The following SUGCT variants were observed in gnomAD, a reference collection of about 807,000 sequenced individuals.
SUGCT encodes the protein succinyl-CoA:glutarate CoA-transferase.
A neutral mutation model predicts 55.0 loss-of-function variants in SUGCT; 41 were observed. The ratio of observed to expected loss-of-function variants is 0.74; its 90% CI spans 0.58 to 0.97. The LOEUF (loss-of-function observed/expected upper bound fraction) is 0.97. Ranked by LOEUF, SUGCT falls within the 50% of genes least tolerant of loss-of-function variation. The pLI is 0.00. For synonymous variants in SUGCT, 187 were observed against 200.4 expected (o/e 0.93, Z 0.56); for missense variants, 568 against 547.8 (o/e 1.04, Z -0.37).
chr7:40,931,250 C>G, the SUGCT span, among the ~76,000 whole-genome samples: 1 of 152,188 alleles, frequency 6.6e-6, no homozygotes. Context: ...GTTGAACCAG[C>G]CTTGCATCCC....
At chr7:40,744,517 T>G (rs1787632694) in intron 12 of SUGCT, among the ~76,000 whole-genome samples, 1 of 152,218 alleles carries the variant, frequency 6.6e-6, no homozygotes, top group Non-Finnish European at 1.5e-5. Flanking sequence ...CTTTTCCATT[T>G]TTTTTTGTCT....
intron 9 of SUGCT, among the ~76,000 whole-genome samples, chr7:40,405,808 T>TAAAAAAAAA (rs60966218): frequency 1.1e-5 from 1 of 90,944 alleles, no homozygotes; most frequent in African/African-American, 3.9e-5. Context: ...AGACTCTGTC[T>TAAAAAAAAA]AAAAAAAAAA....
intron 11 of SUGCT, among the ~76,000 whole-genome samples, chr7:40,489,722 A>T (rs1007966499): frequency 6.6e-6 from 1 of 152,060 alleles, no homozygotes; most frequent in African/African-American, 2.4e-5. Context: ...AAACAACAGA[A>T]CAAAACAAAA....
intron 7 of SUGCT, among the ~76,000 whole-genome samples, chr7:40,253,309 C>A (rs995820867): frequency 6.6e-6 from 1 of 152,162 alleles, no homozygotes; most frequent in Non-Finnish European, 1.5e-5. Context: ...AAGGTGACAT[C>A]CCTTTTAGGT....
intron 11 of SUGCT, among the ~76,000 whole-genome samples, chr7:40,476,803 TC>T (rs1305907652): frequency 2.0e-5 from 3 of 148,842 alleles, no homozygotes; most frequent in African/African-American, 7.3e-5. Context: ...TAGTTCTCAT[TC>T]TTTTTTTTTT....
the SUGCT span, among the ~76,000 whole-genome samples, chr7:40,888,603 TA>T: frequency 6.6e-6 from 1 of 152,020 alleles, no homozygotes; most frequent in African/African-American, 2.4e-5. Context: ...TTCATAGGTT[TA>T]AAAAAAATAA....
the SUGCT span, among the ~76,000 whole-genome samples, chr7:40,943,850 A>G: frequency 6.6e-6 from 1 of 151,722 alleles, no homozygotes; most frequent in Non-Finnish European, 1.5e-5. Flanking sequence ...CTGAGGAATC[A>G]CCACACTGAC....
chr7:40,660,685 T>G (rs1382720467), intron 12 of SUGCT, among the ~76,000 whole-genome samples: 1 of 152,214 alleles, frequency 6.6e-6, no homozygotes, highest in Non-Finnish European at 1.5e-5. Context: ...ATACCTTAGA[T>G]GTAATCACTG....
chr7:40,445,075 A>C (rs914970112), intron 9 of SUGCT, among the ~76,000 whole-genome samples: 4 of 152,070 alleles, frequency 2.6e-5, no homozygotes, highest in East Asian at 1.9e-4. Context: ...GGATGAAGCC[A>C]ACTTGATCAT....
chr7:40,721,127 C>T (rs1480981821), intron 12 of SUGCT, among the ~76,000 whole-genome samples: 4 of 152,206 alleles, frequency 2.6e-5, no homozygotes, highest in Non-Finnish European at 2.9e-5. Flanking sequence ...GCTCTCTTCA[C>T]TTTGAGAATG....
intron 12 of SUGCT, among the ~76,000 whole-genome samples, chr7:40,712,859 G>T (rs1463633813): frequency 6.6e-6 from 1 of 152,214 alleles, no homozygotes; most frequent in African/African-American, 2.4e-5. Context: ...AGATTTTACT[G>T]CCTCTGGACC....
At chr7:40,218,143 G>A (rs1446545115) in intron 6 of SUGCT, among the ~76,000 whole-genome samples, 2 of 152,168 alleles carry the variant, frequency 1.3e-5, no homozygotes, top group East Asian at 1.9e-4. Context: ...AACCTGGGAG[G>A]CAGAGGCTGC....
intron 12 of SUGCT, among the ~76,000 whole-genome samples, chr7:40,704,387 G>A (rs745941746): frequency 4.0e-5 from 6 of 151,766 alleles, no homozygotes; most frequent in Non-Finnish European, 8.8e-5. Context: ...TTACAAGCAC[G>A]CCATTACCTA....
chr7:40,996,851 T>G, the SUGCT span, among the ~76,000 whole-genome samples: 1 of 152,206 alleles, frequency 6.6e-6, no homozygotes, highest in Non-Finnish European at 1.5e-5. Flanking sequence ...TTCTCTGTCA[T>G]TTCTCAATTT....
chr7:40,380,859 C>T (rs1411845539), intron 9 of SUGCT, among the ~76,000 whole-genome samples: 2 of 152,194 alleles, frequency 1.3e-5, no homozygotes, highest in Non-Finnish European at 2.9e-5. Context: ...TGCATAATTA[C>T]CTATTTCCTG....
intron 11 of SUGCT, among the ~76,000 whole-genome samples, chr7:40,485,474 G>A (rs976556587): frequency 1.5e-5 from 2 of 130,634 alleles, no homozygotes; most frequent in Non-Finnish European, 3.1e-5. Flanking sequence ...CACCCAGGCT[G>A]GAATGTAGTG....
At chr7:40,325,666 C>T (rs1238962596) in intron 9 of SUGCT, among the ~76,000 whole-genome samples, 2 of 151,940 alleles carry the variant, frequency 1.3e-5, no homozygotes, top group Non-Finnish European at 2.9e-5. Context: ...ATTAGCTGGG[C>T]GTGGTGGTGC....
chr7:40,777,968 A>G (rs1159286915), intron 13 of SUGCT, among the ~76,000 whole-genome samples: 2 of 152,066 alleles, frequency 1.3e-5, no homozygotes, highest in African/African-American at 4.8e-5. Flanking sequence ...CCTCCTCAGC[A>G]TATGCTTAGC....
chr7:40,399,601 G>A (rs1456370243), intron 9 of SUGCT, among the ~76,000 whole-genome samples: 2 of 152,120 alleles, frequency 1.3e-5, no homozygotes, highest in African/African-American at 4.8e-5. Context: ...CAAAATTTAG[G>A]AATTGTTTCT....
Sources: gnomAD v4.1 joint callset for allele counts (sites outside exome capture counted in the v4.1 genomes callset) on GRCh38, gnomAD v4.1.1 for gene constraint, MANE v1.5 for transcripts, NCBI Gene and HGNC (gene_info 2026-07-23, HGNC 2026-07-21) for gene names.